Variants in SPIRE1 observed in about 807,000 individuals in gnomAD.
The protein encoded by SPIRE1 is spire type actin nucleation factor 1, also known as protein spire homolog 1.
In SPIRE1, 40 loss-of-function variants were observed where a neutral mutation model predicts 94.1. The ratio of observed to expected loss-of-function variants is 0.43; its 90% CI spans 0.33 to 0.55. SPIRE1 has a LOEUF of 0.55. SPIRE1 is among the 20% of genes least tolerant of loss of function. The probability of loss-of-function intolerance (pLI) is 0.06; values close to 1 mark genes in which losing one functional copy is unlikely to be tolerated. For synonymous variants in SPIRE1, 376 were observed against 371.7 expected (o/e 1.01, Z -0.13); for missense variants, 838 against 975.2 (o/e 0.86, Z 1.87).
chr18:12,627,984 T>C lies in SPIRE1; in HGVS notation c.372+7078A>G, dbSNP rs184673257. Among the ~76,000 whole-genome samples, 446 of 152,322 alleles carry C rather than the reference T, an allele frequency of 2.9e-3. 1 individual carries two copies. The highest frequency in any genetic ancestry group is 4.4e-3 in the Non-Finnish European group (298 of 68,026). ...TGTCAGATGGGTAGATTGCAAAAAT[T>C]TTCTCCCATTCTGTAGGTTTCCTGT... is the stretch of plus-strand genomic sequence containing the variant. On this transcript the variant is annotated intron_variant, in intron 2 of 16. Coordinates refer to ENST00000409402, the MANE Select transcript of SPIRE1 (RefSeq NM_001128626.2).
chr18:12,483,876 A>G (rs1195911416), intron 9 of SPIRE1, among the ~76,000 whole-genome samples: 1 of 152,214 alleles, frequency 6.6e-6, no homozygotes, highest in Admixed American at 6.5e-5. Context: ...AAATGCAACA[A>G]TGAAAAACAT....
chr18:12,580,197 C>T (rs1598492222), intron 2 of SPIRE1, among the ~76,000 whole-genome samples: 1 of 152,102 alleles, frequency 6.6e-6, no homozygotes, highest in East Asian at 1.9e-4. Flanking sequence ...AAGTTCTCTT[C>T]AGGTTGCTTC....
rs1378048068 is a variant in SPIRE1 at position 12,535,745 on chromosome 18, G to A, written c.604-144C>T. ...GCCAACGCAGGCAGATCATGAGGTC[G>A]AGAGTTCAAGACCAGCCTGACCAAC... On this transcript the variant is annotated intron_variant, in intron 3 of 16. Transcript: ENST00000409402. 4.8e-5 allele frequency: 29 copies of A among 609,030 alleles called. No homozygotes were observed. In the East Asian group the frequency reaches 4.8e-4, roughly 10 times the overall value. 37.7% of individuals were successfully genotyped at this position (609,030 alleles called of 1,614,324 possible).
At chr18:12,509,554 A>G (rs2033956610) in intron 5 of SPIRE1, among the ~76,000 whole-genome samples, 1 of 152,188 alleles carries the variant, frequency 6.6e-6, no homozygotes, top group Non-Finnish European at 1.5e-5. Flanking sequence ...AGCTTTTAAG[A>G]CAATGTAGGC....
Position 12,658,028 on chromosome 18 carries a change from G to A in SPIRE1, c.-162C>T. 1 of 992,854 alleles carries A rather than the reference G, an allele frequency of 1.0e-6. No homozygotes were observed. Among genetic ancestry groups the A allele is most frequent in the Non-Finnish European group, 1.2e-6 (1 of 835,988 alleles). The allele number at this position is 992,854 out of a possible 1,614,324, so 61.5% of individuals were successfully genotyped here. A position where few individuals can be genotyped will look rare whatever the true frequency, so the allele number is the denominator to read the frequency against. On this transcript the variant is annotated 5_prime_UTR_variant, in exon 1 of 17. It adds an upstream start codon to the 5' untranslated region. Transcript: ENST00000409402. Reference sequence around the variant, plus strand: ...GGGACCAGGCGAGTGCCCGGGAGGCGTGGGCAAGAGGAGGGCGGCGAGGAC... The same window carrying A: ...GGGACCAGGCGAGTGCCCGGGAGGCATGGGCAAGAGGAGGGCGGCGAGGAC...
chr18:12,463,652 G>A (rs2031969197), intron 11 of SPIRE1, among the ~76,000 whole-genome samples, 159 bp from the exon 12 acceptor site: 1 of 152,058 alleles, frequency 6.6e-6, no homozygotes, highest in South Asian at 2.1e-4. Flanking sequence ...AGACTCTGAG[G>A]GCTGTTACAG....
At chr18:12,579,163 T>A (rs1328918235) in intron 2 of SPIRE1, among the ~76,000 whole-genome samples, 1 of 148,170 alleles carries the variant, frequency 6.7e-6, no homozygotes, top group Non-Finnish European at 1.5e-5. Context: ...AAGACAGGAA[T>A]TTTCCACTGA....
intron 2 of SPIRE1, among the ~76,000 whole-genome samples, chr18:12,584,065 CAGAA>C (rs1217833189): frequency 1.3e-5 from 2 of 151,982 alleles, no homozygotes; most frequent in African/African-American, 4.8e-5. Context: ...AAGCAAGACA[CAGAA>C]AGGTTAATAT....
chr18:12,573,628 A>C (rs1213818540), intron 2 of SPIRE1, among the ~76,000 whole-genome samples: 1 of 152,242 alleles, frequency 6.6e-6, no homozygotes, highest in Non-Finnish European at 1.5e-5. Flanking sequence ...TAAAAAAGAA[A>C]TGAGCTATCT....
chr18:12,640,476 G>C (rs2144846019), intron 1 of SPIRE1, among the ~76,000 whole-genome samples: 1 of 152,294 alleles, frequency 6.6e-6, no homozygotes, highest in South Asian at 2.1e-4. Flanking sequence ...CTACTCATAA[G>C]CACTGATGAC....
chr18:12,479,824 C>G lies in SPIRE1; in HGVS notation c.1279G>C (p.Val427Leu), dbSNP rs1217419011. The G allele has an allele frequency of 6.2e-7, 1 of 1,614,132 alleles. No homozygotes were observed. The highest frequency in any genetic ancestry group is 8.5e-7 in the Non-Finnish European group (1 of 1,180,004). ...GTTTGTGATGTCAAACCTCCATTCA[C>G]CATAGATGACTCCACAAGATTCTTT... ...STKNLVESSM[V>L]NGGLTSQTKE... Residue 427 changes from valine to leucine, a missense_variant, in exon 10 of 17, where the codon GTG becomes CTG. By Grantham distance (32) the Val-to-Leu change is conservative. Transcript: ENST00000409402.
At chr18:12,465,479 T>C (rs1017887414) in intron 10 of SPIRE1, among the ~76,000 whole-genome samples, 1 of 152,190 alleles carries the variant, frequency 6.6e-6, no homozygotes, top group Non-Finnish European at 1.5e-5. Flanking sequence ...CTTAGTTTCA[T>C]CATTGTGAAA....
intron 2 of SPIRE1, among the ~76,000 whole-genome samples, chr18:12,555,847 G>A (rs781113225): frequency 3.9e-5 from 6 of 152,048 alleles, no homozygotes; most frequent in Non-Finnish European, 8.8e-5. Context: ...AAGAAATAAA[G>A]GCCATTGAAA....
rs764984901 is a variant in SPIRE1, at chr18:12,463,311, G to A, written c.1638+40C>T. 5.6e-5 allele frequency: 87 copies of A among 1,545,812 alleles called. 2 individuals are homozygous for A. The South Asian group carries it at 1.0e-3, about 18-fold the overall frequency. ...AAAGCTAATGATTCTATGTCTTCTA[G>A]CTGGTCCCTAAGTTACTACAAAGTC... On this transcript the variant is annotated intron_variant, in intron 12 of 16. Transcript: ENST00000409402.
intron 2 of SPIRE1, among the ~76,000 whole-genome samples, chr18:12,576,890 CA>C (rs398032016): frequency 1.9e-3 from 174 of 89,990 alleles, no homozygotes; most frequent in East Asian, 2.3e-3. Context: ...CTCTGTTTCA[CA>C]AAAAAAAAAA....
intron 13 of SPIRE1, among the ~76,000 whole-genome samples, 153 bp downstream of exon 13, chr18:12,454,193 G>A (rs928934673): frequency 4.6e-5 from 7 of 152,150 alleles, no homozygotes; most frequent in African/African-American, 1.7e-4. Context: ...GAACGAGACA[G>A]CACATGTACT....
intron 2 of SPIRE1, among the ~76,000 whole-genome samples, chr18:12,599,147 A>C (rs1388504256): frequency 6.6e-6 from 1 of 152,218 alleles, no homozygotes; most frequent in Non-Finnish European, 1.5e-5. Flanking sequence ...TAAGAAATTT[A>C]ACATCTAATC....
At chr18:12,528,808 C>T (rs971461025) in intron 4 of SPIRE1, among the ~76,000 whole-genome samples, 1 of 152,202 alleles carries the variant, frequency 6.6e-6, no homozygotes, top group African/African-American at 2.4e-5. Context: ...AACTGAAGAG[C>T]ATCAGGGGAC....
At chr18:12,586,665 T>C (rs2036398275) in intron 2 of SPIRE1, among the ~76,000 whole-genome samples, 1 of 152,234 alleles carries the variant, frequency 6.6e-6, no homozygotes, top group Non-Finnish European at 1.5e-5. Flanking sequence ...TGGATGTGTA[T>C]GCTTATAGTG....
Sources: gnomAD v4.1 joint callset for allele counts (sites outside exome capture counted in the v4.1 genomes callset) on GRCh38, gnomAD v4.1.1 for gene constraint, MANE v1.5 for transcripts, NCBI Gene and HGNC (gene_info 2026-07-23, HGNC 2026-07-21) for gene names.